Variants in GRID2 observed in about 807,000 individuals in gnomAD.
GRID2 encodes the protein glutamate receptor ionotropic, delta-2.
A neutral mutation model predicts 114.8 loss-of-function variants in GRID2; 33 were observed. That is an observed-to-expected ratio of 0.29 (90% confidence interval 0.22 to 0.38). The LOEUF is 0.38. Among genes scored for constraint, GRID2 ranks in the 10% least tolerant of loss-of-function variants. GRID2 has a pLI of 1.00. For synonymous variants in GRID2, 505 were observed against 449.9 expected, an observed-to-expected ratio of 1.12 and a Z score of -1.55; for missense variants, 1,184 against 1,257.7, an observed-to-expected ratio of 0.94 and a Z score of 0.89.
At chr4:93,699,533 G>A (rs1276260096) in intron 14 of GRID2, among the ~76,000 whole-genome samples, 1 of 152,032 alleles carries the variant, frequency 6.6e-6, no homozygotes, top group African/African-American at 2.4e-5. Context: ...TGCAAATAAA[G>A]AATCTGAGGT....
chr4:93,726,402 T>C (rs930122638), intron 14 of GRID2, among the ~76,000 whole-genome samples: 5 of 147,206 alleles, frequency 3.4e-5, no homozygotes, highest in African/African-American at 1.3e-4. Context: ...GTAGTATAGT[T>C]TGAAGTCAGG....
At chr4:92,415,370 C>T (rs1277430090) in intron 1 of GRID2, among the ~76,000 whole-genome samples, 1 of 151,436 alleles carries the variant, frequency 6.6e-6, no homozygotes, top group African/African-American at 2.4e-5. Flanking sequence ...TGTTTGGTTG[C>T]ATGGAAAAGT....
chr4:93,177,246 G>C (rs1314500853), intron 4 of GRID2, among the ~76,000 whole-genome samples: 1 of 149,050 alleles, frequency 6.7e-6, no homozygotes, highest in Non-Finnish European at 1.5e-5. Context: ...CTTTTTTTTT[G>C]CATTTTTAAA....
chr4:93,316,315 A>C (rs56125235), intron 8 of GRID2, among the ~76,000 whole-genome samples: 2,046 of 80,280 alleles, frequency 0.025, 54 homozygotes, highest in African/African-American at 0.042. Flanking sequence ...AAAGAAAGAA[A>C]GAAAGAAAGA....
At chr4:93,017,390 A>G (rs1478926794) in intron 2 of GRID2, among the ~76,000 whole-genome samples, 1 of 152,204 alleles carries the variant, frequency 6.6e-6, no homozygotes, top group Non-Finnish European at 1.5e-5. Flanking sequence ...ATATTTAAGT[A>G]TGAAATTTAT....
chr4:93,403,955 C>A (rs1480314047), intron 9 of GRID2, among the ~76,000 whole-genome samples: 1 of 151,902 alleles, frequency 6.6e-6, no homozygotes, highest in Admixed American at 6.6e-5. Context: ...TTGATTGCAG[C>A]CAAAAATGGA....
intron 1 of GRID2, among the ~76,000 whole-genome samples, chr4:92,423,823 TGAA>T (rs1732019959): frequency 6.6e-6 from 1 of 151,892 alleles, no homozygotes; most frequent in Non-Finnish European, 1.5e-5. Flanking sequence ...GAAATGATGA[TGAA>T]GATGAGCTGC....
chr4:93,001,233 TA>T (rs922074759), intron 2 of GRID2, among the ~76,000 whole-genome samples: 1 of 151,654 alleles, frequency 6.6e-6, no homozygotes, highest in African/African-American at 2.4e-5. Context: ...ATTTAAAAAA[TA>T]AAAATGTTAT....
Position 92,540,121 on chromosome 4 carries a change from T to C in GRID2, c.89-50010T>C, listed in dbSNP as rs377623919. Among the ~76,000 whole-genome samples, 1,211 of 152,132 alleles carry C rather than the reference T, an allele frequency of 8.0e-3. 17 individuals carry two copies. The highest frequency in any genetic ancestry group is 0.026 in the African/African-American group (1,072 of 41,526). On this transcript the variant is annotated intron_variant, in intron 1 of 15. Transcript: ENST00000282020. ...TAGAAAGCTGAAACTGGATCCCTTCTTTACACCTTATACAAAAATTAATTC... is the reference window on the plus strand; with the variant it reads ...TAGAAAGCTGAAACTGGATCCCTTCCTTACACCTTATACAAAAATTAATTC...
At chr4:92,327,821 G>A (rs192124705) in intron 1 of GRID2, among the ~76,000 whole-genome samples, 48 of 151,716 alleles carry the variant, frequency 3.2e-4, no homozygotes, top group African/African-American at 1.0e-3. Context: ...TTCCCCTCAC[G>A]TAGAGAATAG....
chr4:93,122,739 A>G (rs945243192), intron 4 of GRID2, among the ~76,000 whole-genome samples: 1 of 152,044 alleles, frequency 6.6e-6, no homozygotes, highest in Admixed American at 6.5e-5. Context: ...CAAATCTCTA[A>G]CAGGCACTGA....
chr4:92,439,646 G>A (rs1387131889), intron 1 of GRID2, among the ~76,000 whole-genome samples: 2 of 145,252 alleles, frequency 1.4e-5, no homozygotes, highest in Admixed American at 6.9e-5. Context: ...AGAATGATTG[G>A]TGATGGCCTG....
intron 2 of GRID2, among the ~76,000 whole-genome samples, chr4:92,942,128 A>C (rs1355506971): frequency 6.6e-6 from 1 of 151,972 alleles, no homozygotes; most frequent in East Asian, 1.9e-4. Context: ...TATCCTTGTT[A>C]ACTTTCTGTC....
chr4:93,164,471 A>G (rs1471220318), intron 4 of GRID2, among the ~76,000 whole-genome samples: 1 of 152,154 alleles, frequency 6.6e-6, no homozygotes, highest in Non-Finnish European at 1.5e-5. Flanking sequence ...TGAGATAGTC[A>G]TAAAACATGC....
intron 1 of GRID2, among the ~76,000 whole-genome samples, chr4:92,365,600 A>G (rs1227356219): frequency 2.6e-5 from 4 of 152,018 alleles, no homozygotes; most frequent in Non-Finnish European, 5.9e-5. Flanking sequence ...CAATAGAATC[A>G]ATAATATTGT....
chr4:92,700,427 G>T (rs1315950370), intron 2 of GRID2, among the ~76,000 whole-genome samples: 2 of 152,082 alleles, frequency 1.3e-5, no homozygotes, highest in East Asian at 1.9e-4. Context: ...TATCCTAGGG[G>T]TACAATGGAC....
intron 2 of GRID2, among the ~76,000 whole-genome samples, chr4:93,022,901 G>A (rs555985839): frequency 5.3e-5 from 8 of 151,762 alleles, no homozygotes; most frequent in Admixed American, 2.6e-4. Flanking sequence ...CACTTGTGTC[G>A]TTTTTCAATT....
intron 9 of GRID2, among the ~76,000 whole-genome samples, chr4:93,421,033 T>C (rs747617836): frequency 1.6e-4 from 24 of 152,144 alleles, no homozygotes; most frequent in Middle Eastern, 3.2e-3. Context: ...GATATTTCTT[T>C]CTTTCTTTCT....
At chr4:92,638,755 T>C (rs1009389991) in intron 2 of GRID2, among the ~76,000 whole-genome samples, 3 of 150,658 alleles carry the variant, frequency 2.0e-5, no homozygotes, top group African/African-American at 7.3e-5. Context: ...ATATTTGTTA[T>C]TTTTAATAAC....
Sources: allele counts gnomAD v4.1 joint callset (sites outside exome capture counted in the v4.1 genomes callset), GRCh38; gene constraint gnomAD v4.1.1; transcripts MANE v1.5; gene names NCBI Gene and HGNC (gene_info 2026-07-23, HGNC 2026-07-21).